Variants in COBL observed in about 807,000 individuals in gnomAD.
COBL encodes protein cordon-bleu.
Under a neutral mutation model 98.8 loss-of-function variants are expected in COBL, and 51 were observed. The ratio of observed to expected loss-of-function variants is 0.52; its 90% CI spans 0.41 to 0.65. COBL has a LOEUF of 0.65. Ranked by LOEUF, COBL falls within the 30% of genes least tolerant of loss-of-function variation. The pLI is 0.00. For missense variants in COBL, 1,617 were observed against 1,617.5 expected, an observed-to-expected ratio of 1.00 and a Z score of 0.01; for synonymous variants, 634 against 651.7, an observed-to-expected ratio of 0.97 and a Z score of 0.41.
At chr7:51,075,449 A>C (rs2128928260) in intron 7 of COBL, among the ~76,000 whole-genome samples, 1 of 152,368 alleles carries the variant, frequency 6.6e-6, no homozygotes, top group South Asian at 2.1e-4. Flanking sequence ...GATACATGTA[A>C]ACAACCTCAA....
intron 4 of COBL, chr7:51,187,827 A>G: frequency 9.3e-7 from 1 of 1,077,272 alleles, no homozygotes; most frequent in South Asian, 4.7e-5. Context: ...GTCTGGCACA[A>G]AAACATCACC....
intron 1 of COBL, among the ~76,000 whole-genome samples, chr7:51,253,313 T>C (rs997816819): frequency 2.0e-5 from 3 of 152,348 alleles, no homozygotes; most frequent in African/African-American, 7.2e-5. Context: ...GACTCCTGAA[T>C]CTTTTAATAT....
chr7:51,252,293 G>A lies in COBL; in HGVS notation c.42-32349C>T, dbSNP rs1292623944. ...TTTTTCATATATTCACTGAGTTGCGGGACCATCACCACAATTTTAGACTCT... is the reference window on the plus strand; with the variant it reads ...TTTTTCATATATTCACTGAGTTGCGAGACCATCACCACAATTTTAGACTCT... On this transcript the variant is annotated intron_variant, in intron 1 of 12. Transcript: ENST00000265136. Among the ~76,000 whole-genome samples, 3 of 152,012 alleles carry A rather than the reference G, an allele frequency of 2.0e-5. No individual in the cohort carries two copies. In the East Asian group the frequency reaches 5.8e-4, roughly 29 times the overall value.
intron 5 of COBL, among the ~76,000 whole-genome samples, chr7:51,150,311 A>G (rs1295274639): frequency 6.6e-6 from 1 of 152,172 alleles, no homozygotes; most frequent in Non-Finnish European, 1.5e-5. Context: ...ACAGCTTCCT[A>G]CATTTCTGAT....
intron 7 of COBL, among the ~76,000 whole-genome samples, chr7:51,077,724 G>C (rs1238089045): frequency 6.6e-6 from 1 of 152,200 alleles, no homozygotes; most frequent in African/African-American, 2.4e-5. Flanking sequence ...GTTCCTGAAC[G>C]CTGAATAGGC....
At chr7:51,261,352 T>C (rs1301623358) in intron 1 of COBL, among the ~76,000 whole-genome samples, 1 of 152,170 alleles carries the variant, frequency 6.6e-6, no homozygotes, top group Non-Finnish European at 1.5e-5. Flanking sequence ...CACTAGAACA[T>C]AATGTGTCAG....
intron 1 of COBL, among the ~76,000 whole-genome samples, chr7:51,235,886 G>A (rs1351649391): frequency 3.3e-5 from 5 of 151,972 alleles, no homozygotes; most frequent in Admixed American, 3.3e-4. Context: ...TTCCTGGGCC[G>A]AGAGGGCCCC....
rs114102198 is a variant in COBL, at chr7:51,276,372, G to A, written c.41+40221C>T. On this transcript the variant is annotated intron_variant, in intron 1 of 12. Transcript: ENST00000265136. ...GGGTTCCTTCTGGGAAAGGCGAATGGAACCTGAGCTTCTATGAAAGGAGTC... is the reference window on the plus strand; with the variant it reads ...GGGTTCCTTCTGGGAAAGGCGAATGAAACCTGAGCTTCTATGAAAGGAGTC... 3.6e-3 allele frequency among the ~76,000 whole-genome samples: 549 copies of A among 152,296 alleles called. 1 individual carries two copies. Among genetic ancestry groups the A allele is most frequent in the African/African-American group, 0.012 (507 of 41,552 alleles).
At chr7:51,231,204 G>T (rs78263132) in intron 1 of COBL, among the ~76,000 whole-genome samples, 1 of 152,222 alleles carries the variant, frequency 6.6e-6, no homozygotes, top group Non-Finnish European at 1.5e-5. Flanking sequence ...TTCAGTTAGT[G>T]TAAGTATTGT....
intron 11 of COBL, among the ~76,000 whole-genome samples, chr7:51,026,317 G>A (rs1787547574): frequency 6.6e-6 from 1 of 152,260 alleles, no homozygotes. Context: ...AGCAAAGGCT[G>A]AGAGAGTGTC....
Position 51,028,096 on chromosome 7 carries a change from G to T in COBL, c.3000C>A (p.Ser1000Arg). Residue 1000 changes from serine to arginine, a missense_variant, in exon 10 of 13, where the codon AGC becomes AGA. Ser to Arg is a moderately radical substitution (Grantham distance 110, BLOSUM62 -1). This residue lies in a region of COBL where 1,304 missense variants were observed against 1,282.0 expected (regional missense o/e 1.02). Transcript: ENST00000265136. ...GQSCGFSGKQ[S>R]TSSQEASSAS... is the part of the protein sequence containing the mutation. ...CTGAGCTGGCCTCCTGGCTACTTGT[G>T]CTTTGCTTTCCACTGAAACCACAGC... The T allele has an allele frequency of 6.2e-7, 1 of 1,614,132 alleles. No individual in the cohort carries two copies. Among genetic ancestry groups the T allele is most frequent in the Non-Finnish European group, 8.5e-7 (1 of 1,179,986 alleles).
intron 1 of COBL, among the ~76,000 whole-genome samples, chr7:51,304,421 C>A (rs1802270223): frequency 6.6e-6 from 1 of 152,176 alleles, no homozygotes; most frequent in African/African-American, 2.4e-5. Flanking sequence ...TTTACAACAT[C>A]CACTGAAAAA....
chr7:51,152,943 A>G (rs28649393), intron 5 of COBL, among the ~76,000 whole-genome samples: 10,780 of 152,334 alleles, frequency 0.071, 429 homozygotes, highest in Middle Eastern at 0.12. Context: ...CCTCTGAAAG[A>G]GCAAGCAATG....
chr7:51,206,717 C>T (rs117879157), intron 2 of COBL, among the ~76,000 whole-genome samples: 2,346 of 152,204 alleles, frequency 0.015, 96 homozygotes, highest in Admixed American at 0.082. Flanking sequence ...AATCCTGCCA[C>T]GTGTGACAAC....
chr7:51,278,933 G>A (rs759840878), intron 1 of COBL, among the ~76,000 whole-genome samples: 18 of 152,218 alleles, frequency 1.2e-4, no homozygotes, highest in Non-Finnish European at 2.1e-4. Flanking sequence ...TGCACATTGT[G>A]ACTAATCACA....
In COBL at chr7:51,316,595, G is replaced by C; in HGVS notation, c.39C>G (p.Thr13=). The change falls in exon 1 of 13, where the codon ACC becomes ACG. Residue 13 remains threonine (T), a splice_region_variant and synonymous_variant. Transcript: ENST00000265136. ...APRASAAKPP[T]GRKMKARAPP... ...CGCCCGACCGCGGGGCCGCTTACCC[G>C]GTCGGGGGCTTGGCCGCCGAGGCGC... 1.7e-6 allele frequency: 2 copies of C among 1,205,822 alleles called. No homozygotes were observed. The highest frequency in any genetic ancestry group is 2.1e-6 in the Non-Finnish European group (2 of 971,410). 74.7% of individuals were successfully genotyped at this position (1,205,822 alleles called of 1,614,324 possible). A position where few individuals can be genotyped will look rare whatever the true frequency, so the allele number is the denominator to read the frequency against.
intron 2 of COBL, among the ~76,000 whole-genome samples, chr7:51,210,461 G>A (rs1792307781): frequency 6.6e-6 from 1 of 152,204 alleles, no homozygotes; most frequent in African/African-American, 2.4e-5. Context: ...GGACAGCGGG[G>A]CTTCCACATG....
chr7:51,142,251 G>C (rs953591873), intron 5 of COBL, among the ~76,000 whole-genome samples: 1 of 152,084 alleles, frequency 6.6e-6, no homozygotes, highest in Non-Finnish European at 1.5e-5. Flanking sequence ...GAAGAAAAGT[G>C]GCAGAAGCTA....
At chr7:51,150,098 C>A (rs1418164327) in intron 5 of COBL, among the ~76,000 whole-genome samples, 2 of 152,148 alleles carry the variant, frequency 1.3e-5, no homozygotes, top group Non-Finnish European at 2.9e-5. Flanking sequence ...AGAAAACACA[C>A]ACACAAAAAA....
Sources: gnomAD v4.1 joint callset for allele counts (sites outside exome capture counted in the v4.1 genomes callset) on GRCh38, gnomAD v4.1.1 for gene constraint, gnomAD v4.1.1 regional missense constraint, MANE v1.5 for transcripts, NCBI Gene and HGNC (gene_info 2026-07-23, HGNC 2026-07-21) for gene names.